The following LARS2 variants were observed in gnomAD, a reference collection of about 807,000 sequenced individuals.
LARS2 encodes leucine--tRNA ligase, mitochondrial.
LARS2 carries 81 observed loss-of-function variants against 116.6 expected under a neutral mutation model. That is an observed-to-expected ratio of 0.69 (90% CI 0.58 to 0.84). LARS2 has a LOEUF of 0.84. Ranked by LOEUF, LARS2 falls within the 40% of genes least tolerant of loss-of-function variation. The pLI, the probability that LARS2 is intolerant of heterozygous loss-of-function variation, is 0.00. For synonymous variants in LARS2, 396 were observed against 407.2 expected, an observed-to-expected ratio of 0.97 and a Z score of 0.33; for missense variants, 968 against 1,114.5, an observed-to-expected ratio of 0.87 and a Z score of 1.87.
At chr3:45,402,632 TA>T (rs1238449022) in intron 4 of LARS2, among the ~76,000 whole-genome samples, 2 of 152,220 alleles carry the variant, frequency 1.3e-5, no homozygotes, top group African/African-American at 4.8e-5. Context: ...GAAGTATTCC[TA>T]AAAGAGGGTC....
At chr3:45,547,033 CT>C (rs1398649389) in intron 21 of LARS2, among the ~76,000 whole-genome samples, 2 of 152,216 alleles carry the variant, frequency 1.3e-5, no homozygotes, top group African/African-American at 2.4e-5. Context: ...CATGCTGAGG[CT>C]TTTTGACATA....
At chr3:45,468,310 T>C (rs1049803630) in intron 8 of LARS2, among the ~76,000 whole-genome samples, 1 of 152,156 alleles carries the variant, frequency 6.6e-6, no homozygotes, top group African/African-American at 2.4e-5. Context: ...TACCATTTTG[T>C]TTTTTATGAT....
At chr3:45,467,985 C>T (rs917648850) in intron 8 of LARS2, among the ~76,000 whole-genome samples, 2 of 152,002 alleles carry the variant, frequency 1.3e-5, no homozygotes, top group Non-Finnish European at 2.9e-5. Flanking sequence ...ACAGTCCCAG[C>T]TACTCAGGAG....
chr3:45,544,876 G>C (rs1484714267), intron 21 of LARS2, among the ~76,000 whole-genome samples: 1 of 152,154 alleles, frequency 6.6e-6, no homozygotes, highest in African/African-American at 2.4e-5. Flanking sequence ...ACATAGGGGG[G>C]CAGGCCCACA....
At chr3:45,427,460 A>C (rs1456029721) in intron 6 of LARS2, among the ~76,000 whole-genome samples, 1 of 152,192 alleles carries the variant, frequency 6.6e-6, no homozygotes, top group East Asian at 1.9e-4. Context: ...AAACCTTATT[A>C]GGTAGGAATC....
At chr3:45,532,604 G>C (rs1056998441) in intron 20 of LARS2, among the ~76,000 whole-genome samples, 2 of 152,112 alleles carry the variant, frequency 1.3e-5, no homozygotes, top group Admixed American at 1.3e-4. Flanking sequence ...AGTGAAAGAG[G>C]GTTTCACTGA....
intron 15 of LARS2, among the ~76,000 whole-genome samples, chr3:45,512,274 G>A (rs186916482): frequency 5.3e-5 from 8 of 152,152 alleles, no homozygotes; most frequent in African/African-American, 1.9e-4. Context: ...AATACTTAAC[G>A]TGTGTTATCA....
At chr3:45,403,497 T>G (rs1698187829) in intron 4 of LARS2, among the ~76,000 whole-genome samples, 1 of 152,004 alleles carries the variant, frequency 6.6e-6, no homozygotes, top group African/African-American at 2.4e-5. Context: ...TTGTATTTAA[T>G]TAGAGACGGG....
chr3:45,521,764 G>C (rs1371213438), intron 19 of LARS2, among the ~76,000 whole-genome samples: 3 of 151,982 alleles, frequency 2.0e-5, no homozygotes, highest in African/African-American at 7.2e-5. Flanking sequence ...TTTTGTTTTT[G>C]TTTTTGTTTT....
intron 20 of LARS2, among the ~76,000 whole-genome samples, chr3:45,534,142 T>A (rs1441332178): frequency 6.6e-6 from 1 of 152,186 alleles, no homozygotes; most frequent in Admixed American, 6.5e-5. Flanking sequence ...AAAGAAGCAG[T>A]GGGAAACCTA....
rs767741006 is a variant in LARS2, at chr3:45,476,646, G to A, written c.1018+19G>A. 11 of 1,613,162 alleles carry A rather than the reference G, an allele frequency of 6.8e-6. No individual in the cohort carries two copies. The highest frequency in any genetic ancestry group is 2.7e-5 in the African/African-American group (2 of 74,896). ...GGCAAAGGTGAGCTGGCAAGTTAACGGCTCAGGTGGTAGGATTGCTACCTT... is the reference window on the plus strand; with the variant it reads ...GGCAAAGGTGAGCTGGCAAGTTAACAGCTCAGGTGGTAGGATTGCTACCTT... On this transcript the variant is annotated intron_variant, in intron 10 of 21. Coordinates refer to ENST00000645846, the MANE Select transcript of LARS2 (RefSeq NM_015340.4).
chr3:45,409,581 C>G (rs1469050288), intron 4 of LARS2, among the ~76,000 whole-genome samples: 1 of 152,150 alleles, frequency 6.6e-6, no homozygotes, highest in Non-Finnish European at 1.5e-5. Context: ...TTTTGTAATC[C>G]TGTTGTAGGT....
intron 20 of LARS2, among the ~76,000 whole-genome samples, chr3:45,532,968 CT>C (rs1037969866): frequency 2.6e-5 from 4 of 151,882 alleles, no homozygotes; most frequent in Non-Finnish European, 4.4e-5. Flanking sequence ...TTACAGCAGA[CT>C]TCAGGACAAG....
In LARS2 at chr3:45,547,730, G is replaced by A. The variant is rs1559503726; in HGVS notation, c.*200G>A. On this transcript the variant is annotated 3_prime_UTR_variant, in exon 22 of 22. Transcript: ENST00000645846. ...CTGGGGTGAAGGTGAGCTGGGCAAA[G>A]GAGAAATATGAGCTACTGAGGAGGG... 1.9e-6 allele frequency: 1 copy of A among 519,060 alleles called. No homozygotes were observed. Among genetic ancestry groups the A allele is most frequent in the Non-Finnish European group, 3.4e-6 (1 of 297,406 alleles). 32.2% of individuals were successfully genotyped at this position (519,060 alleles called of 1,614,324 possible).
At chr3:45,432,299 A>C (rs977079227) in intron 6 of LARS2, among the ~76,000 whole-genome samples, 2 of 152,148 alleles carry the variant, frequency 1.3e-5, no homozygotes, top group African/African-American at 4.8e-5. Context: ...TGTAATAAAC[A>C]AACTAGGTCT....
intron 4 of LARS2, among the ~76,000 whole-genome samples, chr3:45,401,660 C>T (rs1698153408): frequency 6.6e-6 from 1 of 152,170 alleles, no homozygotes; most frequent in South Asian, 2.1e-4. Flanking sequence ...CATTTTGTCA[C>T]CCCGGCTGGA....
chr3:45,498,883 A>G (rs182651113), intron 14 of LARS2, among the ~76,000 whole-genome samples: 6 of 152,362 alleles, frequency 3.9e-5, no homozygotes, highest in Admixed American at 3.3e-4. Context: ...TTATTGGGCT[A>G]TTATATGACA....
At chr3:45,458,402 A>G (rs569534539) in intron 7 of LARS2, among the ~76,000 whole-genome samples, 1 of 152,264 alleles carries the variant, frequency 6.6e-6, no homozygotes, top group African/African-American at 2.4e-5. Flanking sequence ...TAAAATGAGT[A>G]CTCACCTAGG....
intron 6 of LARS2, among the ~76,000 whole-genome samples, chr3:45,442,676 A>G (rs981905936): frequency 5.3e-5 from 8 of 152,184 alleles, no homozygotes; most frequent in African/African-American, 9.7e-5. Flanking sequence ...TGGTCGCATC[A>G]TGCAGCATTC....
Sources: gnomAD v4.1 joint callset for allele counts (sites outside exome capture counted in the v4.1 genomes callset) on GRCh38, gnomAD v4.1.1 for gene constraint, MANE v1.5 for transcripts, NCBI Gene and HGNC (gene_info 2026-07-23, HGNC 2026-07-21) for gene names.